Variants in KIAA0825 observed in about 807,000 individuals in gnomAD.
KIAA0825 encodes the protein KIAA0825.
KIAA0825 carries 119 observed loss-of-function variants against 147.6 expected under a neutral mutation model. The ratio of observed to expected loss-of-function variants is 0.81; its 90% confidence interval spans 0.69 to 0.94. KIAA0825 has a LOEUF of 0.94. Among genes scored for constraint, KIAA0825 ranks in the 40% least tolerant of loss-of-function variants. The pLI is 0.00. For missense variants in KIAA0825, 1,381 were observed against 1,472.7 expected (o/e 0.94, Z 1.02); for synonymous variants, 470 against 518.1 (o/e 0.91, Z 1.26).
At chr5:94,249,748 C>G (rs763472962) in intron 20 of KIAA0825, among the ~76,000 whole-genome samples, 1 of 150,314 alleles carries the variant, frequency 6.7e-6, no homozygotes, top group Non-Finnish European at 1.5e-5. Context: ...TTTTGTCACT[C>G]TATGTGACAT....
At chr5:94,354,367 G>A (rs1236587457) in intron 20 of KIAA0825, among the ~76,000 whole-genome samples, 1 of 152,086 alleles carries the variant, frequency 6.6e-6, no homozygotes, top group East Asian at 1.9e-4. Context: ...ATATGGATTA[G>A]TAATCAGAAT....
intron 20 of KIAA0825, among the ~76,000 whole-genome samples, chr5:94,223,440 G>A (rs934009048): frequency 1.3e-5 from 2 of 152,148 alleles, no homozygotes; most frequent in African/African-American, 2.4e-5. Flanking sequence ...CCTGATGATG[G>A]TCTTTGCAGA....
rs1455005063 is a variant in KIAA0825, at chr5:94,396,340, A to C, written c.3057T>G (p.Ile1019Met). ...CCTCAAATATCCGACATATAATTAC[A>C]ATCAAGTTCCAGACAAGCAGGCCAG... ...KKAGLLVWNL[I>M]VIICRIFEDG... The change falls in exon 17 of 21, where the codon ATT (isoleucine) becomes ATG (methionine). Residue 1019 changes from isoleucine to methionine, a missense_variant. Transcript: ENST00000682413. The C allele has an allele frequency of 3.9e-6, 6 of 1,550,770 alleles. No homozygotes were observed. Among genetic ancestry groups the C allele is most frequent in the Non-Finnish European group, 4.4e-6 (5 of 1,146,702 alleles).
At chr5:94,326,323 A>G (rs554237905) in intron 20 of KIAA0825, among the ~76,000 whole-genome samples, 3 of 152,258 alleles carry the variant, frequency 2.0e-5, no homozygotes, top group Admixed American at 1.3e-4. Context: ...AATTTTGTAC[A>G]TCTCATAAAA....
At chr5:94,406,029 C>T (rs1039741656) in intron 15 of KIAA0825, among the ~76,000 whole-genome samples, 3 of 152,066 alleles carry the variant, frequency 2.0e-5, no homozygotes, top group African/African-American at 2.4e-5. Context: ...CAGGTTCAAG[C>T]GATTCTCCTG....
intron 5 of KIAA0825, among the ~76,000 whole-genome samples, chr5:94,514,033 T>C (rs563333336): frequency 6.0e-4 from 91 of 152,284 alleles, no homozygotes; most frequent in African/African-American, 2.0e-3. Context: ...TGCTGCATTG[T>C]CTAATTTTTG....
intron 20 of KIAA0825, among the ~76,000 whole-genome samples, chr5:94,260,838 A>C (rs763736910): frequency 2.6e-5 from 4 of 152,192 alleles, no homozygotes; most frequent in Non-Finnish European, 5.9e-5. Context: ...GGAAAACAAC[A>C]GCAAGAATTC....
chr5:94,610,334 T>C (rs890691850), intron 1 of KIAA0825, among the ~76,000 whole-genome samples: 3 of 151,174 alleles, frequency 2.0e-5, no homozygotes, highest in Admixed American at 6.6e-5. Context: ...ACAATGAGAA[T>C]TGCTTGAACC....
At chr5:94,564,891 C>CTCTTT (rs1054873093) in intron 2 of KIAA0825, among the ~76,000 whole-genome samples, 2 of 151,860 alleles carry the variant, frequency 1.3e-5, no homozygotes, top group African/African-American at 4.8e-5. Context: ...CTTTTATTTT[C>CTCTTT]TCTTTTCTTT....
intron 20 of KIAA0825, among the ~76,000 whole-genome samples, chr5:94,245,908 A>G (rs530373348): frequency 0.04 from 6,127 of 152,166 alleles, 196 homozygotes; most frequent in East Asian, 0.12. Context: ...GCTGTTTCTC[A>G]ACAGCCTGAC....
intron 2 of KIAA0825, among the ~76,000 whole-genome samples, chr5:94,574,253 A>T (rs1780531930): frequency 6.6e-6 from 1 of 152,012 alleles, no homozygotes; most frequent in African/African-American, 2.4e-5. Context: ...ACAACTAGTA[A>T]AGAAAGGATG....
intron 1 of KIAA0825, among the ~76,000 whole-genome samples, chr5:94,615,996 A>G (rs988852323): frequency 2.0e-5 from 3 of 151,988 alleles, no homozygotes; most frequent in African/African-American, 7.2e-5. Flanking sequence ...TAGCCTCCCA[A>G]AGTATTGGGG....
At chr5:94,162,062 T>C (rs992278525) in intron 20 of KIAA0825, among the ~76,000 whole-genome samples, 1 of 152,206 alleles carries the variant, frequency 6.6e-6, no homozygotes, top group Non-Finnish European at 1.5e-5. Flanking sequence ...TGATTCAGCC[T>C]CTAAATGACA....
At chr5:94,381,358 A>C (rs1748384328) in intron 20 of KIAA0825, among the ~76,000 whole-genome samples, 1 of 152,212 alleles carries the variant, frequency 6.6e-6, no homozygotes, top group South Asian at 2.1e-4. Flanking sequence ...AGTCAACCTC[A>C]GATAGAAAAT....
At chr5:94,282,847 GA>G (rs997872275) in intron 20 of KIAA0825, among the ~76,000 whole-genome samples, 2 of 151,606 alleles carry the variant, frequency 1.3e-5, no homozygotes, top group African/African-American at 4.8e-5. Flanking sequence ...TGTTTAAAGG[GA>G]AAAAATCATA....
Position 94,484,174 on chromosome 5 carries a change from C to T in KIAA0825, c.1132+595G>A, listed in dbSNP as rs187552753. On this transcript the variant is annotated intron_variant, in intron 6 of 20. Transcript: ENST00000682413. ...AGACTAAACTAAAAACAACATATTC[C>T]ATAATTATAATTACTATTTTAACAA... 5.9e-5 allele frequency among the ~76,000 whole-genome samples: 9 copies of T among 151,684 alleles called. No homozygotes were observed. The East Asian group carries it at 1.7e-3, about 29-fold the overall frequency.
intron 20 of KIAA0825, among the ~76,000 whole-genome samples, chr5:94,171,731 T>C (rs906964481): frequency 6.6e-6 from 1 of 152,172 alleles, no homozygotes; most frequent in Admixed American, 6.5e-5. Context: ...GATTGTTTAA[T>C]TAAGATTGTT....
At chr5:94,488,078 C>T (rs965089746) in intron 5 of KIAA0825, among the ~76,000 whole-genome samples, 4 of 152,216 alleles carry the variant, frequency 2.6e-5, no homozygotes, top group African/African-American at 7.2e-5. Flanking sequence ...CATCCGCCAC[C>T]AAACCCGGCT....
chr5:94,493,711 A>G (rs1376268938), intron 5 of KIAA0825, among the ~76,000 whole-genome samples: 2 of 152,068 alleles, frequency 1.3e-5, no homozygotes, highest in Non-Finnish European at 2.9e-5. Flanking sequence ...GATGGTCTCA[A>G]TCTCCTGACC....
Sources: allele counts gnomAD v4.1 joint callset (sites outside exome capture counted in the v4.1 genomes callset), GRCh38; gene constraint gnomAD v4.1.1; transcripts MANE v1.5; gene names NCBI Gene and HGNC (gene_info 2026-07-23, HGNC 2026-07-21).